C4orf50: variants seen among roughly 807,000 people sequenced by gnomAD.
The protein encoded by C4orf50 is uncharacterized protein C4orf50.
A neutral mutation model predicts 77.2 loss-of-function variants in C4orf50; 80 were observed. The ratio of observed to expected loss-of-function variants is 1.04; its 90% CI spans 0.87 to 1.25. C4orf50 has a LOEUF of 1.25. Ranked by LOEUF, C4orf50 falls within the 50% of genes most tolerant of loss-of-function variation. The pLI, the probability that C4orf50 is intolerant of heterozygous loss-of-function variation, is 0.00. For synonymous variants in C4orf50, 532 were observed against 465.3 expected (o/e 1.14, Z -1.84); for missense variants, 1,257 against 1,152.9 (o/e 1.09, Z -1.31).
At chr4:5,982,161 A>G (rs959676506) in intron 28 of C4orf50, among the ~76,000 whole-genome samples, 1 of 152,096 alleles carries the variant, frequency 6.6e-6, no homozygotes, top group Non-Finnish European at 1.5e-5. Flanking sequence ...CAGCTTCAAG[A>G]CGTCAAAACA....
At chr4:5,953,774 C>T (rs1718829188), downstream of C4orf50, among the ~76,000 whole-genome samples, 1 of 152,198 alleles carries the variant, frequency 6.6e-6, no homozygotes, top group Admixed American at 6.5e-5. Flanking sequence ...ACCACTAGAT[C>T]TGAGTCAGCA....
At chr4:5,995,354 G>A (rs887111496) in intron 25 of C4orf50, among the ~76,000 whole-genome samples, 6 of 152,136 alleles carry the variant, frequency 3.9e-5, no homozygotes, top group Admixed American at 2.0e-4. Context: ...CCTTGGCAGC[G>A]CCCTGTCCCC....
Position 5,932,670 on chromosome 4 carries a change from G to A in C4orf50, c.*2474+24231C>T, listed in dbSNP as rs1388820452. ...TTGCTCAGGCTGGTCTTGAACTCTTGGGCTCAGGCAATTCTCTTACCTCAG... is the reference window on the plus strand; with the variant it reads ...TTGCTCAGGCTGGTCTTGAACTCTTAGGCTCAGGCAATTCTCTTACCTCAG... On this transcript the variant is annotated intron_variant, in intron 7 of 7. Coordinates refer to the C4orf50 transcript ENST00000324058. The surrounding 1 kb of genome is among the most constrained non-coding windows in gnomAD (Gnocchi z 4.2). 6.6e-6 allele frequency among the ~76,000 whole-genome samples: 1 copy of A among 151,972 alleles called. No homozygotes were observed. Among genetic ancestry groups the A allele is most frequent in the Non-Finnish European group, 1.5e-5 (1 of 68,000 alleles).
intron 7 of C4orf50, among the ~76,000 whole-genome samples, chr4:5,925,461 G>A (rs1304508232): frequency 1.3e-5 from 2 of 152,208 alleles, no homozygotes; most frequent in Non-Finnish European, 2.9e-5. Flanking sequence ...AAGGCCAGAG[G>A]GCCTCAGGAC....
chr4:5,974,393 AGCTACCACGTCTGCAGGGGC>A lies in C4orf50; in HGVS notation c.3922-572_3922-553del, dbSNP rs376069529. 4.5e-3 allele frequency among the ~76,000 whole-genome samples: 681 copies of A among 152,234 alleles called. 5 individuals carry two copies. Among genetic ancestry groups the A allele is most frequent in the African/African-American group, 0.015 (640 of 41,532 alleles). On this transcript the variant is annotated intron_variant, in intron 30 of 33. Transcript: ENST00000531445. ...CTCACCGTCCGCTCTGCACCTTTCCAGCTACCACGTCTGCAGGGGCGCGGCAGGAATTATGACGATTTTTA... is the reference window on the plus strand; with the variant it reads ...CTCACCGTCCGCTCTGCACCTTTCCAGCGGCAGGAATTATGACGATTTTTA...
intron 26 of C4orf50, among the ~76,000 whole-genome samples, chr4:5,993,990 G>T (rs1035377894): frequency 6.6e-6 from 1 of 152,134 alleles, no homozygotes; most frequent in Non-Finnish European, 1.5e-5. Context: ...GAAGTGGGGG[G>T]ACAGGACGGC....
intron 30 of C4orf50, 140 bp from the exon 9 acceptor site, chr4:5,973,981 C>T: frequency 1.5e-6 from 1 of 677,972 alleles, no homozygotes; most frequent in Non-Finnish European, 2.4e-6. Flanking sequence ...CAGCCTCCTC[C>T]CTGCGAAGCC....
At chr4:5,994,619 C>A (rs1039319776) in intron 25 of C4orf50, 143 bp from the exon 4 acceptor site, 5 of 397,440 alleles carry the variant, frequency 1.3e-5, no homozygotes, top group African/African-American at 1.0e-4. Flanking sequence ...GGGCAGAGAG[C>A]TCACAGCCTG....
chr4:5,957,142 G>C (rs546466371), exon 34 of C4orf50: 3 of 152,240 alleles, frequency 2.0e-5, no homozygotes, highest in African/African-American at 7.2e-5. Flanking sequence ...TTAGGGAATC[G>C]TTGGGTTACG....
chr4:5,989,796 G>T, exon 28 of C4orf50: 2 of 1,514,394 alleles, frequency 1.3e-6, no homozygotes, highest in Non-Finnish European at 1.8e-6. Context: ...GTTCCTGGGA[G>T]TCAGGCTCCT....
intron 33 of C4orf50, among the ~76,000 whole-genome samples, chr4:5,960,834 G>T (rs1221145619): frequency 1.3e-5 from 2 of 152,178 alleles, no homozygotes; most frequent in African/African-American, 4.8e-5. Context: ...GTGCGCATCA[G>T]GAGTCTGGAC....
chr4:6,016,720 C>T (rs867028985), intron 23 of C4orf50, among the ~76,000 whole-genome samples: 2 of 151,918 alleles, frequency 1.3e-5, no homozygotes, highest in African/African-American at 4.8e-5. Context: ...AGGGTAAGTG[C>T]GTTGCAGAAT....
At chr4:5,977,207 C>G (rs189659570) in intron 29 of C4orf50, among the ~76,000 whole-genome samples, 95 of 152,328 alleles carry the variant, frequency 6.2e-4, no homozygotes, top group Admixed American at 1.4e-3. Context: ...GAGGGCGGAA[C>G]AGCCTAGCCG....
At chr4:5,977,081 G>C (rs1311687314) in intron 29 of C4orf50, among the ~76,000 whole-genome samples, 1 of 152,158 alleles carries the variant, frequency 6.6e-6, no homozygotes, top group African/African-American at 2.4e-5. Flanking sequence ...GCACCAGCGG[G>C]AGCTGCCTTC....
At chr4:5,968,963 G>C (rs1719743018) in intron 31 of C4orf50, among the ~76,000 whole-genome samples, 1 of 152,164 alleles carries the variant, frequency 6.6e-6, no homozygotes, top group Non-Finnish European at 1.5e-5. Flanking sequence ...AGTGGCTGCA[G>C]AGCCAGGCTT....
intron 32 of C4orf50, among the ~76,000 whole-genome samples, chr4:5,966,311 A>G (rs1298872086): frequency 6.6e-6 from 1 of 152,012 alleles, no homozygotes; most frequent in East Asian, 1.9e-4. Context: ...CCCTGTCTCT[A>G]CAAAAATACA....
intron 25 of C4orf50, among the ~76,000 whole-genome samples, chr4:5,996,412 G>A (rs1169615670): frequency 6.6e-6 from 1 of 152,098 alleles, no homozygotes; most frequent in Non-Finnish European, 1.5e-5. Context: ...TACACTGAAA[G>A]AGAAACCCCC....
intron 31 of C4orf50, among the ~76,000 whole-genome samples, chr4:5,968,880 C>G (rs955718151): frequency 1.3e-5 from 2 of 152,146 alleles, no homozygotes; most frequent in African/African-American, 4.8e-5. Context: ...CTGGGTGGCC[C>G]TGCATTCGGT....
chr4:6,007,252 C>T lies in C4orf50; in HGVS notation c.963+744G>A, dbSNP rs1418841684. 6.6e-6 allele frequency among the ~76,000 whole-genome samples: 1 copy of T among 152,052 alleles called. No individual in the cohort carries two copies. The highest frequency in any genetic ancestry group is 1.5e-5 in the Non-Finnish European group (1 of 67,998). ...TGCTGGGGTCTGAATGGCTGTGTTCCCCACCACCACCAAATTTATGTGGAA... is the reference window on the plus strand; with the variant it reads ...TGCTGGGGTCTGAATGGCTGTGTTCTCCACCACCACCAAATTTATGTGGAA... On this transcript the variant is annotated intron_variant, in intron 25 of 33. Transcript: ENST00000531445. The surrounding 1 kb of genome is among the most constrained non-coding windows in gnomAD (Gnocchi z 4.1).
Sources: allele counts gnomAD v4.1 joint callset (sites outside exome capture counted in the v4.1 genomes callset), GRCh38; gene constraint gnomAD v4.1.1; non-coding constraint Gnocchi (gnomAD v3.1); transcripts MANE v1.5; gene names NCBI Gene and HGNC (gene_info 2026-07-23, HGNC 2026-07-21).